USP9X: variants seen among roughly 807,000 people sequenced by gnomAD.
USP9X encodes ubiquitin specific peptidase 9 X-linked, also known as ubiquitin carboxyl-terminal hydrolase 9X.
USP9X carries 7 observed loss-of-function variants against 190.3 expected under a neutral mutation model. That is an observed-to-expected ratio of 0.04 (90% CI 0.02 to 0.07). The LOEUF (loss-of-function observed/expected upper bound fraction) is 0.07. Ranked by LOEUF, USP9X falls within the 10% of genes least tolerant of loss-of-function variation. USP9X has a pLI of 1.00. For missense variants in USP9X, 1,010 were observed against 1,916.9 expected (o/e 0.53, Z 8.83); for synonymous variants, 645 against 659.5 (o/e 0.98, Z 0.34).
At chrX:41,116,705 T>A (rs1435617483) in intron 1 of USP9X, among the ~76,000 whole-genome samples, 1 of 112,150 alleles carries the variant, frequency 8.9e-6, no homozygotes, top group Non-Finnish European at 1.9e-5. Context: ...AAAAGAAAAT[T>A]TACATTTTTT....
Position 41,197,550 on chromosome X carries a change from CCTT to C in USP9X, c.4380+43_4380+45del, listed in dbSNP as rs770101103. Reference sequence around the variant, plus strand: ...CTTGGTTGTAAGCTACATATCATAACCTTCTAAATGTTTATAATCAAATTTAAT... The same window carrying C: ...CTTGGTTGTAAGCTACATATCATAACCTAAATGTTTATAATCAAATTTAAT... On this transcript the variant is annotated intron_variant, in intron 29 of 44. Transcript: ENST00000378308. The C allele has an allele frequency of 9.7e-6, 11 of 1,130,694 alleles. No individual in the cohort carries two copies. In the South Asian group the frequency reaches 1.2e-4, roughly 13 times the overall value. 93.2% of individuals were successfully genotyped at this position (1,130,694 alleles called of 1,213,427 possible).
chrX:41,158,450 G>T (rs1278197773), intron 14 of USP9X, among the ~76,000 whole-genome samples: 1 of 110,894 alleles, frequency 9.0e-6, no homozygotes, highest in Non-Finnish European at 1.9e-5. Flanking sequence ...GGGGTTGGGG[G>T]ACAGACATGA....
chrX:41,218,693 T>TA, intron 37 of USP9X, 96 bp downstream of exon 37: 1 of 781,475 alleles, frequency 1.3e-6, no homozygotes, highest in Non-Finnish European at 1.9e-6. Context: ...ATCCACTTGA[T>TA]ATGTTTACCT....
intron 1 of USP9X, among the ~76,000 whole-genome samples, chrX:41,093,114 G>GT (rs1227081005): frequency 2.7e-5 from 3 of 111,670 alleles, no homozygotes; most frequent in Non-Finnish European, 5.6e-5. Context: ...CAATCCTCCT[G>GT]TTTTGGCCTC....
intron 24 of USP9X, among the ~76,000 whole-genome samples, chrX:41,187,720 A>T (rs1296848917): frequency 9.0e-6 from 1 of 111,302 alleles, no homozygotes; most frequent in Non-Finnish European, 1.9e-5. Flanking sequence ...ACTTGGGAGC[A>T]TGAGGTAGGA....
In USP9X at chrX:41,170,524, A is replaced by G; in HGVS notation, c.2932A>G (p.Ser978Gly). Reference sequence around the variant, plus strand: ...TTCCAATATGCCTTCAAGCCCTGATAGCTCTTCTGATTCCTCCACTGGATC... The same window carrying G: ...TTCCAATATGCCTTCAAGCCCTGATGGCTCTTCTGATTCCTCCACTGGATC... ...ISSNMPSSPDSSSDSSTGSPG... is the reference protein window; with the variant it reads ...ISSNMPSSPDGSSDSSTGSPG... The change falls in exon 20 of 45, where the codon AGC (serine) becomes GGC (glycine). Residue 978 changes from serine (S) to glycine (G), a missense_variant. Coordinates refer to ENST00000378308, the MANE Select transcript of USP9X (RefSeq NM_001039591.3). The G allele has an allele frequency of 8.3e-7, 1 of 1,211,306 alleles. No individual in the cohort carries two copies. The highest frequency in any genetic ancestry group is 1.1e-6 in the Non-Finnish European group (1 of 895,031).
chrX:41,182,830 C>T (rs765907278), intron 21 of USP9X, among the ~76,000 whole-genome samples: 3 of 110,930 alleles, frequency 2.7e-5, no homozygotes, highest in East Asian at 5.6e-4. Context: ...GTCGCTATGC[C>T]TTCAGAGTAG....
At chrX:41,222,569 T>A (rs1176799610) in intron 38 of USP9X, among the ~76,000 whole-genome samples, 1 of 111,685 alleles carries the variant, frequency 9.0e-6, no homozygotes, top group African/African-American at 3.3e-5. Context: ...GTTTTCATCC[T>A]CCTTACAAAT....
rs184489413 is a variant in USP9X at position 41,210,445 on chromosome X, T to C, written c.5016-64T>C. ...TGTTGCTTTTTTTTCCCCTGAAAAA[T>C]ATAGTTGTACATATTGTTCTGTGAA... On this transcript the variant is annotated intron_variant, in intron 32 of 44. Transcript: ENST00000378308. The C allele has an allele frequency of 2.1e-5, 23 of 1,118,773 alleles. No individual in the cohort carries two copies. The Admixed American group carries it at 5.9e-4, about 29-fold the overall frequency. The allele number at this position is 1,118,773 out of a possible 1,213,427, so 92.2% of individuals were successfully genotyped here. A position where few individuals can be genotyped will look rare whatever the true frequency, so the allele number is the denominator to read the frequency against.
At chrX:41,230,340 T>TG (rs202089481) in intron 43 of USP9X, among the ~76,000 whole-genome samples, 161 bp from the exon 44 acceptor site, 43 of 110,843 alleles carry the variant, frequency 3.9e-4, no homozygotes, top group Middle Eastern at 4.6e-3. Flanking sequence ...TGTTTTGTTT[T>TG]TTTTTTTTTT....
At chrX:41,183,865 C>T (rs2062849561) in intron 21 of USP9X, 133 bp from the exon 22 acceptor site, 1 of 765,777 alleles carries the variant, frequency 1.3e-6, no homozygotes, top group Non-Finnish European at 1.7e-6. Context: ...CTTGTCATGT[C>T]TTAGGAAGTT....
In USP9X at chrX:41,224,754, T is replaced by C; in HGVS notation, c.6764T>C (p.Leu2255Pro). The C allele has an allele frequency of 8.3e-7, 1 of 1,209,722 alleles. No individual in the cohort carries two copies. Among genetic ancestry groups the C allele is most frequent in the Non-Finnish European group, 1.1e-6 (1 of 893,555 alleles). The change falls in exon 40 of 45, where the codon CTT becomes CCT. Residue 2255 changes from leucine to proline, a missense_variant. Transcript: ENST00000378308. ...ATCTGTATTCTAGGTAATCCTCCTC[T>C]TCCCAATCCTTTTGGTGATCCTAAT... Reference protein sequence around the residue: ...MQSSINGNPPLPNPFGDPNLS... With the variant: ...MQSSINGNPPPPNPFGDPNLS...
intron 12 of USP9X, among the ~76,000 whole-genome samples, chrX:41,150,671 T>A (rs866245909): frequency 8.9e-6 from 1 of 111,816 alleles, no homozygotes; most frequent in Non-Finnish European, 1.9e-5. Context: ...TGTACAGATA[T>A]ATTTCAGTCC....
intron 6 of USP9X, among the ~76,000 whole-genome samples, chrX:41,138,243 C>T (rs1443296485): frequency 9.0e-6 from 1 of 111,359 alleles, no homozygotes; most frequent in African/African-American, 3.3e-5. Context: ...TAAAAGGGGA[C>T]ATGTTTGGCA....
rs936389877 is a variant in USP9X, at chrX:41,106,395, GAGAA to G, written c.-158-17070_-158-17067del. On this transcript the variant is annotated intron_variant, in intron 1 of 44. Transcript: ENST00000378308. ...ACACAATGCATTTTAAGTCAGTTAAGAGAAAGAAATATGCAGTCATACTGTTTTC... is the reference window on the plus strand; with the variant it reads ...ACACAATGCATTTTAAGTCAGTTAAGAGAAATATGCAGTCATACTGTTTTC... Among the ~76,000 whole-genome samples the G allele has an allele frequency of 2.7e-5, 3 of 111,112 alleles. No homozygotes were observed. The South Asian group carries it at 1.1e-3, about 42-fold the overall frequency.
Position 41,197,352 on chromosome X carries a change from C to CCCCCCAGGGGGG in USP9X, c.4234-12_4234-11insCCCCCAGGGGGG. The CCCCCCAGGGGGG allele has an allele frequency of 1.0e-6, 1 of 988,225 alleles. No homozygotes were observed. The highest frequency in any genetic ancestry group is 1.3e-6 in the Non-Finnish European group (1 of 759,394). 81.4% of individuals were successfully genotyped at this position (988,225 alleles called of 1,213,427 possible). On this transcript the variant is annotated splice_polypyrimidine_tract_variant and intron_variant, in intron 28 of 44. Transcript: ENST00000378308. The stretch of plus-strand genomic sequence containing the variant: ...TTCTTCCCCCCCCCACCCCACCCCC[C>CCCCCCAGGGGGG]GCCTTTGGCAGGATGATGTTAAAAG...
intron 1 of USP9X, among the ~76,000 whole-genome samples, chrX:41,120,759 A>G (rs1359704824): frequency 9.1e-6 from 1 of 110,293 alleles, no homozygotes; most frequent in Non-Finnish European, 1.9e-5. Context: ...CAGCCTCCCA[A>G]AGTGCTGGGA....
At chrX:41,175,552 A>G (rs2062767049) in intron 21 of USP9X, among the ~76,000 whole-genome samples, 1 of 110,809 alleles carries the variant, frequency 9.0e-6, no homozygotes, top group African/African-American at 3.3e-5. Flanking sequence ...AAAGTTCCAG[A>G]TTAACATCCT....
intron 2 of USP9X, among the ~76,000 whole-genome samples, chrX:41,126,666 T>A (rs1055380815): frequency 8.9e-6 from 1 of 111,859 alleles, no homozygotes; most frequent in Non-Finnish European, 1.9e-5. Context: ...AGATGACTGG[T>A]AATTTAAAAT....
Sources: allele counts gnomAD v4.1 joint callset (sites outside exome capture counted in the v4.1 genomes callset), GRCh38; gene constraint gnomAD v4.1.1; transcripts MANE v1.5; gene names NCBI Gene and HGNC (gene_info 2026-07-23, HGNC 2026-07-21).